The following CATSPERD variants were observed in gnomAD, a reference collection of about 807,000 sequenced individuals.
The protein encoded by CATSPERD is catsper channel auxiliary subunit delta.
In CATSPERD, 86 loss-of-function variants were observed where a neutral mutation model predicts 98.1. The ratio of observed to expected loss-of-function variants is 0.88; its 90% CI spans 0.74 to 1.05. CATSPERD has a LOEUF of 1.05. CATSPERD is among the 50% of genes least tolerant of loss of function. CATSPERD has a pLI of 0.00. For missense variants in CATSPERD, 995 were observed against 1,005.7 expected, an observed-to-expected ratio of 0.99 and a Z score of 0.14; for synonymous variants, 394 against 390.2, an observed-to-expected ratio of 1.01 and a Z score of -0.12.
chr19:5,731,306 T>TC (rs2055712377), intron 4 of CATSPERD, among the ~76,000 whole-genome samples: 1 of 150,236 alleles, frequency 6.7e-6, no homozygotes, highest in Non-Finnish European at 1.5e-5. Context: ...ACAACGAAAC[T>TC]CCAACTCTAT....
At position 5,769,963 on chromosome 19, in the gene CATSPERD, C is replaced by T. The variant is rs574320099; in HGVS notation, c.1635-981C>T. On this transcript the variant is annotated intron_variant, in intron 18 of 21. Transcript: ENST00000381624. ...AATTAGCCAGGCGTGGTGGCACATG[C>T]CTGTAGTCCCAGCTACTCAGGAGGC... is the stretch of plus-strand genomic sequence containing the variant. Among the ~76,000 whole-genome samples, 174 of 151,960 alleles carry T rather than the reference C, an allele frequency of 1.1e-3. 2 individuals carry two copies. Among genetic ancestry groups the T allele is most frequent in the Admixed American group, 2.4e-3 (36 of 15,224 alleles).
At chr19:5,754,725 G>T (rs546434813) in intron 13 of CATSPERD, among the ~76,000 whole-genome samples, 1 of 151,834 alleles carries the variant, frequency 6.6e-6, no homozygotes, top group African/African-American at 2.4e-5. Flanking sequence ...CCCTCGACGT[G>T]CCTCTGCATG....
chr19:5,736,111 C>T (rs1183613559), intron 5 of CATSPERD, among the ~76,000 whole-genome samples: 1 of 151,676 alleles, frequency 6.6e-6, no homozygotes. Context: ...AGGGTTTCTC[C>T]ATTTTGGCCA....
intron 1 of CATSPERD, among the ~76,000 whole-genome samples, chr19:5,723,571 TCTC>T (rs1022050540): frequency 1.3e-5 from 2 of 150,700 alleles, no homozygotes; most frequent in African/African-American, 4.9e-5. Flanking sequence ...TTCACACCAT[TCTC>T]CTGCCTCAGC....
In CATSPERD at chr19:5,778,624, C is replaced by A. The variant is rs762118008; in HGVS notation, c.2345C>A (p.Thr782Lys). The A allele has an allele frequency of 6.2e-7, 1 of 1,613,664 alleles. No individual in the cohort carries two copies. The highest frequency in any genetic ancestry group is 1.1e-5 in the South Asian group (1 of 91,062). ...FRASATARAG[T>K]EPPGRHRTPH... ...GCCTCAGCCACAGCCAGGGCAGGCA[C>A]AGAGCCCCCGGGACGCCACCGCACT... The change falls in exon 22 of 22, where the codon ACA becomes AAA. Residue 782 changes from threonine to lysine, a missense_variant. Thr to Lys is a moderately conservative substitution (Grantham distance 78, BLOSUM62 -1). Transcript: ENST00000381624.
intron 12 of CATSPERD, 142 bp from the exon 13 acceptor site, chr19:5,753,988 TAC>T (rs1436864227): frequency 1.6e-6 from 1 of 643,284 alleles, no homozygotes; most frequent in East Asian, 2.5e-5. Context: ...CTTCTGGAAA[TAC>T]AGAGTCTAGT....
In CATSPERD at chr19:5,750,399, A is replaced by C. The variant is rs564046576; in HGVS notation, c.987+1216A>C. On this transcript the variant is annotated intron_variant, in intron 11 of 21. Transcript: ENST00000381624. ...CCAGGAGGCGGAGCTTGCAGTGAGCAGAGATCAAGCCACTGCACTCTAGCC... is the reference window on the plus strand; with the variant it reads ...CCAGGAGGCGGAGCTTGCAGTGAGCCGAGATCAAGCCACTGCACTCTAGCC... Among the ~76,000 whole-genome samples the C allele has an allele frequency of 4.8e-3, 682 of 143,554 alleles. 5 individuals are homozygous for C. Among genetic ancestry groups the C allele is most frequent in the Middle Eastern group, 0.026 (7 of 274 alleles). The allele number at this position is 143,554 out of a possible 152,430, so 94.2% of individuals were successfully genotyped here. A position where few individuals can be genotyped will look rare whatever the true frequency, so the allele number is the denominator to read the frequency against.
At chr19:5,746,564 G>A (rs954477946) in intron 9 of CATSPERD, among the ~76,000 whole-genome samples, 1 of 152,016 alleles carries the variant, frequency 6.6e-6, no homozygotes, top group Non-Finnish European at 1.5e-5. Flanking sequence ...TAGTAGCTGG[G>A]ACTACAGGCG....
rs114193302 is a variant in CATSPERD at position 5,766,312 on chromosome 19, G to A, written c.1559+157G>A. ...CTGAAAAAAAAAAAAAAAATTAGGCGTGGTGGCAGACACCTGCAATCTCGG... is the reference window on the plus strand; with the variant it reads ...CTGAAAAAAAAAAAAAAAATTAGGCATGGTGGCAGACACCTGCAATCTCGG... On this transcript the variant is annotated intron_variant, in intron 17 of 21. Coordinates refer to ENST00000381624, the MANE Select transcript of CATSPERD (RefSeq NM_152784.4). Among the ~76,000 whole-genome samples the A allele has an allele frequency of 5.3e-3, 802 of 151,440 alleles. 6 individuals carry two copies. Among genetic ancestry groups the A allele is most frequent in the African/African-American group, 0.018 (754 of 41,282 alleles).
chr19:5,739,286 C>G, intron 6 of CATSPERD, 40 bp from the exon 7 acceptor site: 9 of 1,095,170 alleles, frequency 8.2e-6, no homozygotes, highest in African/African-American at 3.2e-5. Context: ...TACTTGCTGG[C>G]ATCTTTCTTT....
Position 5,776,401 on chromosome 19 carries a change from G to A in CATSPERD, c.2096+86G>A, listed in dbSNP as rs2144705475. The A allele has an allele frequency of 3.4e-6, 5 of 1,478,122 alleles. No homozygotes were observed. The East Asian group carries it at 6.9e-5, about 20-fold the overall frequency. 91.6% of individuals were successfully genotyped at this position (1,478,122 alleles called of 1,614,324 possible). ...CCGTTTCGGGGGACATGCAGGTCCT[G>A]GCTAAACCTGAATTCCCCCAACAGC... is the stretch of plus-strand genomic sequence containing the variant. On this transcript the variant is annotated intron_variant, in intron 21 of 21. Coordinates refer to ENST00000381624, the MANE Select transcript of CATSPERD (RefSeq NM_152784.4).
intron 10 of CATSPERD, 124 bp from the exon 11 acceptor site, chr19:5,748,977 C>G (rs376300173): frequency 8.9e-5 from 57 of 640,370 alleles, no homozygotes; most frequent in East Asian, 6.7e-4. Flanking sequence ...TGATCCACCC[C>G]CCTCGGCCTC....
intron 4 of CATSPERD, among the ~76,000 whole-genome samples, chr19:5,732,260 C>G (rs939231719): frequency 8.5e-5 from 13 of 152,092 alleles, no homozygotes; most frequent in Admixed American, 3.3e-4. Flanking sequence ...CATGAGCCAC[C>G]ACGCCCAGCT....
intron 1 of CATSPERD, among the ~76,000 whole-genome samples, chr19:5,723,213 G>GA (rs1161962401): frequency 6.7e-6 from 1 of 150,208 alleles, no homozygotes; most frequent in Non-Finnish European, 1.5e-5. Context: ...AAAAGAAAAA[G>GA]AAAAAAGAAA....
intron 20 of CATSPERD, 67 bp from the exon 21 acceptor site, chr19:5,776,094 G>A (rs943984763): frequency 6.4e-7 from 1 of 1,550,604 alleles, no homozygotes; most frequent in Non-Finnish European, 8.8e-7. Flanking sequence ...CCTCCGCAGG[G>A]AGGAGGGAGG....
At position 5,768,077 on chromosome 19, in the gene CATSPERD, C is replaced by G. The variant is rs1349407232; in HGVS notation, c.1560-91C>G. 4.2e-6 allele frequency: 5 copies of G among 1,197,012 alleles called. No homozygotes were observed. In the South Asian group the frequency reaches 6.3e-5, roughly 15 times the overall value. The allele number at this position is 1,197,012 out of a possible 1,614,324, so 74.1% of individuals were successfully genotyped here. A position where few individuals can be genotyped will look rare whatever the true frequency, so the allele number is the denominator to read the frequency against. On this transcript the variant is annotated intron_variant, in intron 17 of 21. Transcript: ENST00000381624. ...CTCCCAAAGTGCTGGGCCTGAGCCA[C>G]CACGCCCAGCCCCTCCCTTTCTGTC... is the stretch of plus-strand genomic sequence containing the variant.
In CATSPERD at chr19:5,737,156, C is replaced by A. The variant is rs2055863591; in HGVS notation, c.410C>A (p.Thr137Lys). The A allele has an allele frequency of 6.2e-7, 1 of 1,607,316 alleles. No individual in the cohort carries two copies. Among genetic ancestry groups the A allele is most frequent in the Non-Finnish European group, 8.5e-7 (1 of 1,173,976 alleles). Residue 137 changes from threonine to lysine, a missense_variant, in exon 6 of 22, where the codon ACA (threonine) becomes AAA (lysine). Around this residue, in one of 3 missense-constraint regions of CATSPERD, gnomAD observed 228 missense variants for 209.6 expected, o/e 1.09. Coordinates refer to ENST00000381624, the MANE Select transcript of CATSPERD (RefSeq NM_152784.4). ...CTTTCAGGTATAAAACACCCTGTTACACATGTCTCTGGTGATAATTGTTGT... is the reference window on the plus strand; with the variant it reads ...CTTTCAGGTATAAAACACCCTGTTAAACATGTCTCTGGTGATAATTGTTGT... Reference protein sequence around the residue: ...SMSLGIKHPVTHVSGDNCCYT... With the variant: ...SMSLGIKHPVKHVSGDNCCYT...
At chr19:5,762,059 T>TATATATATATATATATATATATATATATA (rs1491269022) in intron 15 of CATSPERD, among the ~76,000 whole-genome samples, 2 of 18,630 alleles carry the variant, frequency 1.1e-4, no homozygotes, top group Non-Finnish European at 1.1e-4. Context: ...TATATATATA[T>TATATATATATATATATATATATATATATA]TTTTTTTTTT....
Position 5,766,173 on chromosome 19 carries a change from G to T in CATSPERD, c.1559+18G>T. The T allele has an allele frequency of 6.2e-7, 1 of 1,607,626 alleles. No individual in the cohort carries two copies. Among genetic ancestry groups the T allele is most frequent in the Non-Finnish European group, 8.5e-7 (1 of 1,176,424 alleles). On this transcript the variant is annotated intron_variant, in intron 17 of 21. Coordinates refer to ENST00000381624, the MANE Select transcript of CATSPERD (RefSeq NM_152784.4). ...ATCCAGAAGTAAGTATGTTGAGGCC[G>T]GGCACCATGGCTCATTCCTGTGATC...
Sources: gnomAD v4.1 joint callset for allele counts (sites outside exome capture counted in the v4.1 genomes callset) on GRCh38, gnomAD v4.1.1 for gene constraint, gnomAD v4.1.1 regional missense constraint, MANE v1.5 for transcripts, NCBI Gene and HGNC (gene_info 2026-07-23, HGNC 2026-07-21) for gene names.